The following PPP4R3C variants were observed in gnomAD, a reference collection of about 807,000 sequenced individuals.
PPP4R3C encodes the protein protein PPP4R3C.
For missense variants in PPP4R3C, 372 were observed against 237.3 expected, an observed-to-expected ratio of 1.57 and a Z score of -3.73; for synonymous variants, 150 against 86.5, an observed-to-expected ratio of 1.73 and a Z score of -4.07.
rs1322442091 is a variant in PPP4R3C at position 27,463,032 on chromosome X, C to T, written c.265G>A (p.Gly89Ser). ...GLVLKFQDPA[G>S]CQDIWKEICQ... ...ATTTCTTTCCAAATATCCTGGCAGCCGGCTGGGTCCTGGAATTTTAGCACC... is the reference window on the plus strand; with the variant it reads ...ATTTCTTTCCAAATATCCTGGCAGCTGGCTGGGTCCTGGAATTTTAGCACC... Residue 89 changes from glycine to serine, a missense_variant, in exon 1 of 1, where the codon GGC becomes AGC. Transcript: ENST00000412172. 18 of 514,887 alleles carry T rather than the reference C, an allele frequency of 3.5e-5. No individual in the cohort carries two copies. The East Asian group carries it at 5.1e-4, about 14-fold the overall frequency. The allele number at this position is 514,887 out of a possible 1,213,427, so 42.4% of individuals were successfully genotyped here.
chrX:27,460,845 T>TATCTTCCTCTTTTTCTTCTTC lies in PPP4R3C; in HGVS notation c.2431_2451dup (p.Glu811_Asp817dup). 2.0e-6 allele frequency: 1 copy of TATCTTCCTCTTTTTCTTCTTC among 511,155 alleles called. No homozygotes were observed. The highest frequency in any genetic ancestry group is 3.6e-5 in the East Asian group (1 of 27,602). 42.1% of individuals were successfully genotyped at this position (511,155 alleles called of 1,213,427 possible). A position where few individuals can be genotyped will look rare whatever the true frequency, so the allele number is the denominator to read the frequency against. Reference sequence around the variant, plus strand: ...TTCTTGGGGGATGTTTCATCTTCTTTATCTTCCTCTTTTTCTTCTTCATCT... The same window carrying TATCTTCCTCTTTTTCTTCTTC: ...TTCTTGGGGGATGTTTCATCTTCTTTATCTTCCTCTTTTTCTTCTTCATCTTCCTCTTTTTCTTCTTCATCT... On this transcript the variant is annotated inframe_insertion, in exon 1 of 1. Transcript: ENST00000412172.
chrX:27,460,610 C>T lies in PPP4R3C; in HGVS notation c.*188G>A. 1 of 312,416 alleles carries T rather than the reference C, an allele frequency of 3.2e-6. No homozygotes were observed. Among genetic ancestry groups the T allele is most frequent in the South Asian group, 1.3e-4 (1 of 7,827 alleles). The allele number at this position is 312,416 out of a possible 1,213,427, so 25.7% of individuals were successfully genotyped here. On this transcript the variant is annotated 3_prime_UTR_variant, in exon 1 of 1. Transcript: ENST00000412172. Reference sequence around the variant, plus strand: ...TGCTAAAAAGTTTATCACCCAGGTTCTGGTTACTGTTTTTTTTTAAGATTA... The same window carrying T: ...TGCTAAAAAGTTTATCACCCAGGTTTTGGTTACTGTTTTTTTTTAAGATTA...
In PPP4R3C at chrX:27,462,363, A is replaced by T. The variant is rs2146839117; in HGVS notation, c.934T>A (p.Phe312Ile). ...AACTGTGCAAAAACTTCATACAAAA[A>T]TTTGTGATCTTTCTGCAGCATGCTT... ...IVSMLQKDHK[F>I]LYEVFAQLKD... The change falls in exon 1 of 1, where the codon TTT becomes ATT. Residue 312 changes from phenylalanine to isoleucine, a missense_variant. Phe to Ile is a conservative substitution (Grantham distance 21). Transcript: ENST00000412172. 1.9e-6 allele frequency: 1 copy of T among 515,627 alleles called. No individual in the cohort carries two copies. Among genetic ancestry groups the T allele is most frequent in the East Asian group, 3.6e-5 (1 of 27,766 alleles). The allele number at this position is 515,627 out of a possible 1,213,427, so 42.5% of individuals were successfully genotyped here.
chrX:27,463,336 G>A lies in PPP4R3C; in HGVS notation c.-40C>T. ...TCGCCCCGTCAGGTCTGTTCTCCACGGCACTGCTTCCGGTACAGCATGGAA... is the reference window on the plus strand; with the variant it reads ...TCGCCCCGTCAGGTCTGTTCTCCACAGCACTGCTTCCGGTACAGCATGGAA... On this transcript the variant is annotated 5_prime_UTR_variant, in exon 1 of 1. Coordinates refer to ENST00000412172, the MANE Select transcript of PPP4R3C (RefSeq NM_207319.4). 2.1e-6 allele frequency: 1 copy of A among 479,082 alleles called. No homozygotes were observed. The highest frequency in any genetic ancestry group is 3.7e-6 in the Non-Finnish European group (1 of 267,517). 39.5% of individuals were successfully genotyped at this position (479,082 alleles called of 1,213,427 possible). A position where few individuals can be genotyped will look rare whatever the true frequency, so the allele number is the denominator to read the frequency against.
Position 27,462,043 on chromosome X carries a change from T to C in PPP4R3C, c.1254A>G (p.Val418=). ...TATCACAGATCATTTGTTTAATTAT[T>C]ACATTAATGAAAAGGTCACTATCTT... ...VCKDSDLFIN[V]IIKQMICDTD... Residue 418 remains valine (V), a synonymous_variant, in exon 1 of 1, where the codon GTA becomes GTG. Coordinates refer to ENST00000412172, the MANE Select transcript of PPP4R3C (RefSeq NM_207319.4). The C allele has an allele frequency of 1.9e-6, 1 of 523,826 alleles. No individual in the cohort carries two copies. Among genetic ancestry groups the C allele is most frequent in the Non-Finnish European group, 3.4e-6 (1 of 290,998 alleles). The allele number at this position is 523,826 out of a possible 1,213,427, so 43.2% of individuals were successfully genotyped here.
Position 27,461,053 on chromosome X carries a change from A to G in PPP4R3C, c.2244T>C (p.Phe748=). The change falls in exon 1 of 1, where the codon TTT becomes TTC. Residue 748 remains phenylalanine, a synonymous_variant. Coordinates refer to ENST00000412172, the MANE Select transcript of PPP4R3C (RefSeq NM_207319.4). The stretch of plus-strand genomic sequence containing the variant: ...GTTCTTGGTTTCTTTTAGTCTCCAT[A>G]AATTCATCGTCATCTTCCAGTGGTG... The part of the protein sequence containing the change: ...VMPPLEDDDE[F]METKRNQEHE... 1.9e-6 allele frequency: 1 copy of G among 513,465 alleles called. No individual in the cohort carries two copies. Among genetic ancestry groups the G allele is most frequent in the Non-Finnish European group, 3.5e-6 (1 of 286,669 alleles). The allele number at this position is 513,465 out of a possible 1,213,427, so 42.3% of individuals were successfully genotyped here. A position where few individuals can be genotyped will look rare whatever the true frequency, so the allele number is the denominator to read the frequency against.
chrX:27,460,736 T>C lies in PPP4R3C; in HGVS notation c.*62A>G, dbSNP rs1477114952. On this transcript the variant is annotated 3_prime_UTR_variant, in exon 1 of 1. Transcript: ENST00000412172. Reference sequence around the variant, plus strand: ...AAAAAGCTTGTGGAATCAGTCTTTTTAGCTTATGGACGTTTATAGAATTTT... The same window carrying C: ...AAAAAGCTTGTGGAATCAGTCTTTTCAGCTTATGGACGTTTATAGAATTTT... The C allele has an allele frequency of 4.6e-6, 2 of 436,289 alleles. No individual in the cohort carries two copies. The highest frequency in any genetic ancestry group is 7.9e-6 in the Non-Finnish European group (2 of 254,146). 36.0% of individuals were successfully genotyped at this position (436,289 alleles called of 1,213,427 possible). A position where few individuals can be genotyped will look rare whatever the true frequency, so the allele number is the denominator to read the frequency against.
Position 27,460,558 on chromosome X carries a change from A to G in PPP4R3C, c.*240T>C. On this transcript the variant is annotated 3_prime_UTR_variant, in exon 1 of 1. Coordinates refer to ENST00000412172, the MANE Select transcript of PPP4R3C (RefSeq NM_207319.4). ...CTTCCCAAAGATGGTTTCCTCCCCC[A>G]AATCGTGACACAAATTAAGACTTTC... The G allele has an allele frequency of 3.8e-6, 1 of 262,289 alleles. No individual in the cohort carries two copies. The highest frequency in any genetic ancestry group is 6.6e-6 in the Non-Finnish European group (1 of 150,675). 21.6% of individuals were successfully genotyped at this position (262,289 alleles called of 1,213,427 possible). A position where few individuals can be genotyped will look rare whatever the true frequency, so the allele number is the denominator to read the frequency against.
In PPP4R3C at chrX:27,461,286, T is replaced by G. The variant is rs1569127921; in HGVS notation, c.2011A>C (p.Arg671=). 5 of 515,842 alleles carry G rather than the reference T, an allele frequency of 9.7e-6. No individual in the cohort carries two copies. The East Asian group carries it at 1.4e-4, about 15-fold the overall frequency. 42.5% of individuals were successfully genotyped at this position (515,842 alleles called of 1,213,427 possible). ...HSVLQNIVVF[R]GTIEEIGLEE... is the part of the protein sequence containing the mutation. ...AGCCCAATTTCTTCTATGGTACCTC[T>G]GAAAACTACTATATTTTGCAGTACA... Residue 671 remains arginine (R), a synonymous_variant, in exon 1 of 1, where the codon AGA becomes CGA. Transcript: ENST00000412172.
Position 27,460,987 on chromosome X carries a change from A to C in PPP4R3C, c.2310T>G (p.Gly770=), listed in dbSNP as rs767661663. Residue 770 remains glycine (G), a synonymous_variant, in exon 1 of 1, where the codon GGT becomes GGG. Coordinates refer to ENST00000412172, the MANE Select transcript of PPP4R3C (RefSeq NM_207319.4). ...KVDSPKRTSS[G]DFKFSSSYSA... is the part of the protein sequence containing the mutation. ...AATAAGATGAAGAGAATTTGAAGTC[A>C]CCAGAAGATGTTCTTTTGGGAGAGT... 1 of 513,039 alleles carries C rather than the reference A, an allele frequency of 1.9e-6. No homozygotes were observed. Among genetic ancestry groups the C allele is most frequent in the Admixed American group, 2.7e-5 (1 of 37,541 alleles). The allele number at this position is 513,039 out of a possible 1,213,427, so 42.3% of individuals were successfully genotyped here. A position where few individuals can be genotyped will look rare whatever the true frequency, so the allele number is the denominator to read the frequency against.
rs888528502 is a variant in PPP4R3C, at chrX:27,461,062, G to A, written c.2235C>T (p.Asp745=). Residue 745 remains aspartate (D), a synonymous_variant, in exon 1 of 1, where the codon GAC becomes GAT. Transcript: ENST00000412172. The part of the protein sequence containing the change: ...GEAVMPPLED[D]DEFMETKRNQ... ...TTCTTTTAGTCTCCATAAATTCATCGTCATCTTCCAGTGGTGGCATAACTG... is the reference window on the plus strand; with the variant it reads ...TTCTTTTAGTCTCCATAAATTCATCATCATCTTCCAGTGGTGGCATAACTG... 46 of 510,875 alleles carry A rather than the reference G, an allele frequency of 9.0e-5. No homozygotes were observed. In the Admixed American group the frequency reaches 9.4e-4, roughly 10 times the overall value. The allele number at this position is 510,875 out of a possible 1,213,427, so 42.1% of individuals were successfully genotyped here. A position where few individuals can be genotyped will look rare whatever the true frequency, so the allele number is the denominator to read the frequency against.
In PPP4R3C at chrX:27,463,140, G is replaced by A. The variant is rs753149856; in HGVS notation, c.157C>T (p.Arg53Trp). 3.5e-5 allele frequency: 18 copies of A among 514,741 alleles called. No individual in the cohort carries two copies. The South Asian group carries it at 3.7e-4, about 11-fold the overall frequency. The allele number at this position is 514,741 out of a possible 1,213,427, so 42.4% of individuals were successfully genotyped here. The change falls in exon 1 of 1, where the codon CGG becomes TGG. Residue 53 changes from arginine (R) to tryptophan (W), a missense_variant. Physicochemically the swap from Arg to Trp is moderately radical, Grantham distance 101. Transcript: ENST00000412172. Reference protein sequence around the residue: ...RSDSDGSVILRSQIPPDRPYG... With the variant: ...RSDSDGSVILWSQIPPDRPYG... Reference sequence around the variant, plus strand: ...GGCCTGTCTGGAGGTATCTGTGACCGCAGGATGACCGACCCATCTGAATCT... The same window carrying A: ...GGCCTGTCTGGAGGTATCTGTGACCACAGGATGACCGACCCATCTGAATCT...
chrX:27,462,741 C>A lies in PPP4R3C; in HGVS notation c.556G>T (p.Glu186Ter). ...AAATGGTGTAAACCTTCAGTATTCT[C>A]TAGATTTTCACAAGTGTGGAACAGT... ...LQLFHTCENL[E>*]NTEGLHHLYE... The change falls in exon 1 of 1, where the codon GAG (glutamate) becomes TAG (stop). Residue 186 changes from glutamate (E) to a stop codon, truncating the protein, a stop_gained. Transcript: ENST00000412172. LOFTEE classifies it low-confidence loss of function (END_TRUNC). The A allele has an allele frequency of 1.9e-6, 1 of 518,139 alleles. No homozygotes were observed. The highest frequency in any genetic ancestry group is 2.4e-5 in the South Asian group (1 of 40,917). The allele number at this position is 518,139 out of a possible 1,213,427, so 42.7% of individuals were successfully genotyped here. A position where few individuals can be genotyped will look rare whatever the true frequency, so the allele number is the denominator to read the frequency against.
Position 27,462,416 on chromosome X carries a change from A to C in PPP4R3C, c.881T>G (p.Phe294Cys). 1.9e-6 allele frequency: 1 copy of C among 515,246 alleles called. No individual in the cohort carries two copies. The allele number at this position is 515,246 out of a possible 1,213,427, so 42.5% of individuals were successfully genotyped here. A position where few individuals can be genotyped will look rare whatever the true frequency, so the allele number is the denominator to read the frequency against. The change falls in exon 1 of 1, where the codon TTT (phenylalanine) becomes TGT (cysteine). Residue 294 changes from phenylalanine (F) to cysteine (C), a missense_variant. By Grantham distance (205) the Phe-to-Cys change is radical. Transcript: ENST00000412172. ...TATCTCAGCCTTGTTGGAGAAAATA[A>C]AAGTTGTAAGTGTAGAAAGAAAATT... ...EDNFLSTLTT[F>C]IFSNKAEIVS...
Position 27,461,436 on chromosome X carries a change from G to A in PPP4R3C, c.1861C>T (p.His621Tyr), listed in dbSNP as rs1003125336. 9.7e-6 allele frequency: 5 copies of A among 514,101 alleles called. No homozygotes were observed. Among genetic ancestry groups the A allele is most frequent in the Non-Finnish European group, 1.7e-5 (5 of 286,684 alleles). The allele number at this position is 514,101 out of a possible 1,213,427, so 42.4% of individuals were successfully genotyped here. A position where few individuals can be genotyped will look rare whatever the true frequency, so the allele number is the denominator to read the frequency against. The change falls in exon 1 of 1, where the codon CAT (histidine) becomes TAT (tyrosine). Residue 621 changes from histidine to tyrosine, a missense_variant. Physicochemically the swap from His to Tyr is moderately conservative, Grantham distance 83. Coordinates refer to ENST00000412172, the MANE Select transcript of PPP4R3C (RefSeq NM_207319.4). ...RVENIKPLVS[H>Y]IVEKFYNTLE... ...GTGTTATAAAACTTTTCAACTATATGTGAAACAAGAGGCTTGATATTTTCC... is the reference window on the plus strand; with the variant it reads ...GTGTTATAAAACTTTTCAACTATATATGAAACAAGAGGCTTGATATTTTCC...
Position 27,461,883 on chromosome X carries a change from G to A in PPP4R3C, c.1414C>T (p.His472Tyr), listed in dbSNP as rs184393870. The A allele has an allele frequency of 2.2e-3, 1,138 of 513,459 alleles. 3 individuals are homozygous for A. Among genetic ancestry groups the A allele is most frequent in the Non-Finnish European group, 3.5e-3 (1,013 of 286,753 alleles). The allele number at this position is 513,459 out of a possible 1,213,427, so 42.3% of individuals were successfully genotyped here. Reference sequence around the variant, plus strand: ...GCCAAAAGTGGTGCTGTAAATTTATGCATGCAATGTTTGTAGAAGAAATGT... The same window carrying A: ...GCCAAAAGTGGTGCTGTAAATTTATACATGCAATGTTTGTAGAAGAAATGT... ...FLHFFYKHCM[H>Y]KFTAPLLAAT... Residue 472 changes from histidine to tyrosine, a missense_variant, in exon 1 of 1, where the codon CAT (histidine) becomes TAT (tyrosine). Physicochemically the swap from His to Tyr is moderately conservative, Grantham distance 83. Transcript: ENST00000412172.
At position 27,462,600 on chromosome X, in the gene PPP4R3C, C is replaced by A. The variant is rs762637543; in HGVS notation, c.697G>T (p.Asp233Tyr). The A allele has an allele frequency of 1.4e-4, 78 of 559,728 alleles. 1 individual carries two copies. Among genetic ancestry groups the A allele is most frequent in the Non-Finnish European group, 2.0e-4 (63 of 308,773 alleles). The allele number at this position is 559,728 out of a possible 1,213,427, so 46.1% of individuals were successfully genotyped here. A position where few individuals can be genotyped will look rare whatever the true frequency, so the allele number is the denominator to read the frequency against. Reference sequence around the variant, plus strand: ...AAGTCCCTATGCCTTTTTGGCTGATCCAAAGCAGGGTCATACTCAAGGCAT... The same window carrying A: ...AAGTCCCTATGCCTTTTTGGCTGATACAAAGCAGGGTCATACTCAAGGCAT... ...VGCLEYDPALDQPKRHRDFLT... is the reference protein window; with the variant it reads ...VGCLEYDPALYQPKRHRDFLT... Residue 233 changes from aspartate to tyrosine, a missense_variant, in exon 1 of 1, where the codon GAT (aspartate) becomes TAT (tyrosine). Coordinates refer to ENST00000412172, the MANE Select transcript of PPP4R3C (RefSeq NM_207319.4).
rs1922933560 is a variant in PPP4R3C at position 27,460,446 on chromosome X, CTGT to C, written c.*349_*351del. ...AGTAATTTGTAGGCTTTTAACTGAACTGTTATTATTTCTAATATATACCTCTAG... is the reference window on the plus strand; with the variant it reads ...AGTAATTTGTAGGCTTTTAACTGAACTATTATTTCTAATATATACCTCTAG... On this transcript the variant is annotated 3_prime_UTR_variant, in exon 1 of 1. Coordinates refer to ENST00000412172, the MANE Select transcript of PPP4R3C (RefSeq NM_207319.4). 1 of 126,384 alleles carries C rather than the reference CTGT, an allele frequency of 7.9e-6. No homozygotes were observed. The highest frequency in any genetic ancestry group is 8.9e-5 in the Admixed American group (1 of 11,233). 10.4% of individuals were successfully genotyped at this position (126,384 alleles called of 1,213,427 possible). A position where few individuals can be genotyped will look rare whatever the true frequency, so the allele number is the denominator to read the frequency against.
At position 27,460,544 on chromosome X, in the gene PPP4R3C, TG is replaced by T; in HGVS notation, c.*253del. ...AAACTAAGACTTTCCTTCCCAAAGA[TG>T]GTTTCCTCCCCCAAATCGTGACACA... On this transcript the variant is annotated 3_prime_UTR_variant, in exon 1 of 1. Coordinates refer to ENST00000412172, the MANE Select transcript of PPP4R3C (RefSeq NM_207319.4). The T allele has an allele frequency of 4.0e-6, 1 of 249,044 alleles. No homozygotes were observed. Among genetic ancestry groups the T allele is most frequent in the Non-Finnish European group, 7.0e-6 (1 of 142,351 alleles). The allele number at this position is 249,044 out of a possible 1,213,427, so 20.5% of individuals were successfully genotyped here.
Sources: gnomAD v4.1 joint callset for allele counts on GRCh38, gnomAD v4.1.1 for gene constraint, MANE v1.5 for transcripts, NCBI Gene and HGNC (gene_info 2026-07-23, HGNC 2026-07-21) for gene names.